The following SSH1 variants were observed in gnomAD, a reference collection of about 807,000 sequenced individuals.
The protein encoded by SSH1 is protein phosphatase Slingshot homolog 1.
In SSH1, 43 loss-of-function variants were observed where a neutral mutation model predicts 79.7. The ratio of observed to expected loss-of-function variants is 0.54; its 90% CI spans 0.42 to 0.70. SSH1 has a LOEUF of 0.70. SSH1 is among the 30% of genes least tolerant of loss of function. SSH1 has a pLI of 0.00. For missense variants in SSH1, 1,206 were observed against 1,358.8 expected (o/e 0.89, Z 1.77); for synonymous variants, 599 against 538.3 (o/e 1.11, Z -1.56).
chr12:108,799,386 A>G (rs1370895176), intron 12 of SSH1, among the ~76,000 whole-genome samples, 186 bp from the exon 13 acceptor site: 2 of 152,220 alleles, frequency 1.3e-5, no homozygotes, highest in South Asian at 2.1e-4. Context: ...CGCACTCTCT[A>G]AAGGAAATAC....
chr12:108,793,500 T>C (rs1336218727), intron 13 of SSH1, among the ~76,000 whole-genome samples: 1 of 151,584 alleles, frequency 6.6e-6, no homozygotes, highest in African/African-American at 2.4e-5. Flanking sequence ...GCTCAAGCAG[T>C]CCTCCCACTT....
At chr12:108,824,592 A>T (rs1276484250) in intron 2 of SSH1, among the ~76,000 whole-genome samples, 1 of 152,188 alleles carries the variant, frequency 6.6e-6, no homozygotes, top group Non-Finnish European at 1.5e-5. Flanking sequence ...CAGCAGAATG[A>T]ATCTTTGGCC....
At chr12:108,806,628 G>C (rs558175844) in intron 8 of SSH1, among the ~76,000 whole-genome samples, 1 of 152,356 alleles carries the variant, frequency 6.6e-6, no homozygotes, top group East Asian at 1.9e-4. Context: ...GGAGAGGACA[G>C]TGTGGAAACT....
chr12:108,792,899 C>T (rs534638930), intron 13 of SSH1, 70 bp from the exon 14 acceptor site: 50 of 1,594,228 alleles, frequency 3.1e-5, no homozygotes, highest in Middle Eastern at 2.2e-4. Flanking sequence ...GAAGAGTATG[C>T]GGTGAGCCAG....
Position 108,786,209 on chromosome 12 carries a change from G to C in SSH1, c.*1779C>G, listed in dbSNP as rs1030631703. ...TTCAGAATTCAGCTGGTCCTTGAAG[G>C]CTTTCTGGTTTCACTGAGTTAATCT... On this transcript the variant is annotated 3_prime_UTR_variant, in exon 15 of 15. Transcript: ENST00000326495. 2 of 152,218 alleles carry C rather than the reference G, an allele frequency of 1.3e-5. No individual in the cohort carries two copies. Among genetic ancestry groups the C allele is most frequent in the Admixed American group, 6.5e-5 (1 of 15,272 alleles). The allele number at this position is 152,218 out of a possible 1,614,324, so 9.4% of individuals were successfully genotyped here.
chr12:108,835,282 T>C (rs1412252528), intron 2 of SSH1, among the ~76,000 whole-genome samples: 1 of 152,170 alleles, frequency 6.6e-6, no homozygotes, highest in East Asian at 1.9e-4. Context: ...ATACGGGAAC[T>C]GAGGCTCAAT....
At chr12:108,800,965 CTGAA>C in intron 11 of SSH1, 39 bp from the exon 12 acceptor site, 1 of 1,591,162 alleles carries the variant, frequency 6.3e-7, no homozygotes, top group African/African-American at 1.3e-5. Flanking sequence ...TTTGGACAAT[CTGAA>C]TGAGAAAGAA....
At chr12:108,819,802 A>T (rs2038048968) in intron 3 of SSH1, among the ~76,000 whole-genome samples, 1 of 152,214 alleles carries the variant, frequency 6.6e-6, no homozygotes, top group Non-Finnish European at 1.5e-5. Flanking sequence ...TGTCTCTACA[A>T]AGGAAAAAAA....
intron 2 of SSH1, among the ~76,000 whole-genome samples, chr12:108,851,807 G>A (rs973901825): frequency 2.6e-5 from 4 of 152,034 alleles, no homozygotes; most frequent in African/African-American, 9.7e-5. Flanking sequence ...AGTGCTTACC[G>A]CAAAAGGAAC....
chr12:108,826,005 A>G, intron 2 of SSH1: 2 of 408,808 alleles, frequency 4.9e-6, no homozygotes, highest in South Asian at 1.8e-5. Flanking sequence ...CATGAAACCT[A>G]AAACAACCAT....
intron 13 of SSH1, 77 bp from the exon 14 acceptor site, chr12:108,792,906 C>A: frequency 6.3e-7 from 1 of 1,582,170 alleles, no homozygotes; most frequent in Non-Finnish European, 8.6e-7. Flanking sequence ...ATGCGGTGAG[C>A]CAGTGAGGGG....
At chr12:108,817,424 A>T (rs1024211770) in intron 4 of SSH1, 1 of 403,894 alleles carries the variant, frequency 2.5e-6, no homozygotes, top group Non-Finnish European at 4.7e-6. Context: ...AAAATACAAA[A>T]ATTAGCTGGG....
chr12:108,791,818 A>G, intron 14 of SSH1: 2 of 483,556 alleles, frequency 4.1e-6, no homozygotes, highest in Non-Finnish European at 5.9e-6. Flanking sequence ...AGATACAGGT[A>G]TCTATATCTA....
chr12:108,809,121 A>G (rs2037442027), intron 7 of SSH1, among the ~76,000 whole-genome samples: 1 of 150,834 alleles, frequency 6.6e-6, no homozygotes, highest in Non-Finnish European at 1.5e-5. Context: ...GTTGTGAGCC[A>G]CCACGCCTAG....
rs147620025 is a variant in SSH1, at chr12:108,811,642, T to C, written c.402-314A>G. 3,474 of 432,266 alleles carry C rather than the reference T, an allele frequency of 8.0e-3. 26 individuals carry two copies. The highest frequency in any genetic ancestry group is 0.011 in the South Asian group (539 of 47,520). 26.8% of individuals were successfully genotyped at this position (432,266 alleles called of 1,614,324 possible). ...GGCCACATGTGTACTTGGGGGTACA[T>C]AGGCAAGCACCGGCAGCCAAGCCCG... On this transcript the variant is annotated intron_variant, in intron 5 of 14. Transcript: ENST00000326495.
At chr12:108,835,933 A>AATTATAACTATTAATATAATCG (rs71076798) in intron 2 of SSH1, among the ~76,000 whole-genome samples, 5 of 23,502 alleles carry the variant, frequency 2.1e-4, no homozygotes, top group Non-Finnish European at 4.2e-4. Context: ...TAATATAATC[A>AATTATAACTATTAATATAATCG]ATTATAACTA....
intron 5 of SSH1, among the ~76,000 whole-genome samples, chr12:108,815,737 G>A (rs1323825481): frequency 6.6e-6 from 1 of 152,128 alleles, no homozygotes; most frequent in Non-Finnish European, 1.5e-5. Context: ...TCTAGCCCCA[G>A]GTTCCCAACC....
chr12:108,811,613 C>T (rs946468922), intron 5 of SSH1: 3 of 482,388 alleles, frequency 6.2e-6, no homozygotes, highest in Admixed American at 6.4e-5. Flanking sequence ...GCTCTGCTGG[C>T]GGAGGCCACA....
At chr12:108,828,394 C>T (rs1488791698) in intron 2 of SSH1, among the ~76,000 whole-genome samples, 2 of 152,214 alleles carry the variant, frequency 1.3e-5, no homozygotes, top group African/African-American at 4.8e-5. Context: ...CGCCCACCTG[C>T]TTAACCCCTG....
Sources: gnomAD v4.1 joint callset for allele counts (sites outside exome capture counted in the v4.1 genomes callset) on GRCh38, gnomAD v4.1.1 for gene constraint, MANE v1.5 for transcripts, NCBI Gene and HGNC (gene_info 2026-07-23, HGNC 2026-07-21) for gene names.